The following ASIC2 variants were observed in gnomAD, a reference collection of about 807,000 sequenced individuals.
ASIC2 encodes the protein acid sensing ion channel subunit 2.
In ASIC2, 25 loss-of-function variants were observed where a neutral mutation model predicts 57.3. The ratio of observed to expected loss-of-function variants is 0.44; its 90% CI spans 0.32 to 0.61. The LOEUF (loss-of-function observed/expected upper bound fraction) is 0.61. Among genes scored for constraint, ASIC2 ranks in the 20% least tolerant of loss-of-function variants. The probability of loss-of-function intolerance (pLI) is 0.06; values close to 1 mark genes in which losing one functional copy is unlikely to be tolerated. For synonymous variants in ASIC2, 319 were observed against 307.5 expected (o/e 1.04, Z -0.39); for missense variants, 641 against 738.1 (o/e 0.87, Z 1.52).
chr17:33,224,526 A>C (rs949168884), intron 1 of ASIC2, among the ~76,000 whole-genome samples: 2 of 152,208 alleles, frequency 1.3e-5, no homozygotes, highest in African/African-American at 4.8e-5. Flanking sequence ...AAGAATACGG[A>C]TCTAACTAGA....
chr17:33,595,340 T>G (rs1465872116), intron 1 of ASIC2, among the ~76,000 whole-genome samples: 1 of 152,098 alleles, frequency 6.6e-6, no homozygotes. Flanking sequence ...AGGTCTGGAG[T>G]AAGTGGAAAG....
chr17:33,167,587 T>A (rs1905349988), intron 1 of ASIC2, among the ~76,000 whole-genome samples: 1 of 152,248 alleles, frequency 6.6e-6, no homozygotes, highest in South Asian at 2.1e-4. Flanking sequence ...GGAGCTCTGC[T>A]GCTACCCCTC....
At chr17:34,004,491 T>A (rs964444867) in intron 1 of ASIC2, 1 of 152,254 alleles carries the variant, frequency 6.6e-6, no homozygotes, top group Non-Finnish European at 1.5e-5. Flanking sequence ...TTCATCTCCC[T>A]GGACTATAGT....
intron 1 of ASIC2, among the ~76,000 whole-genome samples, chr17:33,399,963 A>G (rs1300491996): frequency 2.0e-5 from 3 of 152,186 alleles, no homozygotes; most frequent in African/African-American, 7.2e-5. Flanking sequence ...CTTCCCAAGA[A>G]ATTTCTCTGA....
At chr17:33,329,537 G>T (rs1330358908) in intron 1 of ASIC2, among the ~76,000 whole-genome samples, 1 of 152,136 alleles carries the variant, frequency 6.6e-6, no homozygotes, top group Non-Finnish European at 1.5e-5. Flanking sequence ...CTTGGCTAAG[G>T]TCAAGGTCAT....
intron 7 of ASIC2, among the ~76,000 whole-genome samples, chr17:33,020,547 G>A (rs775631069): frequency 6.6e-6 from 1 of 152,186 alleles, no homozygotes; most frequent in Non-Finnish European, 1.5e-5. Flanking sequence ...TGCACTCTCA[G>A]GGGTCTTGTG....
At chr17:34,080,175 G>C (rs1027390589) in intron 1 of ASIC2, among the ~76,000 whole-genome samples, 7 of 152,148 alleles carry the variant, frequency 4.6e-5, no homozygotes, top group African/African-American at 1.7e-4. Flanking sequence ...CTCTTGAAAG[G>C]AAAAGAAAAT....
intron 1 of ASIC2, among the ~76,000 whole-genome samples, chr17:33,386,919 T>G (rs1032530366): frequency 2.6e-5 from 4 of 152,158 alleles, no homozygotes; most frequent in African/African-American, 9.7e-5. Context: ...GGCACTATGC[T>G]AAGCGTTTAC....
chr17:33,688,116 T>C (rs1262447745), intron 1 of ASIC2, among the ~76,000 whole-genome samples: 1 of 152,168 alleles, frequency 6.6e-6, no homozygotes, highest in African/African-American at 2.4e-5. Flanking sequence ...TGAGGGTTAA[T>C]TGGAACATTT....
chr17:33,712,647 T>C (rs1297745257), intron 1 of ASIC2, among the ~76,000 whole-genome samples: 1 of 134,866 alleles, frequency 7.4e-6, no homozygotes, highest in Non-Finnish European at 1.6e-5. Context: ...TTTTTTTTTT[T>C]TTTTTTTTTT....
intron 3 of ASIC2, among the ~76,000 whole-genome samples, chr17:33,055,311 A>G (rs953674006): frequency 6.6e-6 from 1 of 152,092 alleles, no homozygotes; most frequent in African/African-American, 2.4e-5. Flanking sequence ...GACTCCAGGG[A>G]AGCCCTTCAC....
At chr17:33,305,896 A>C (rs12450748) in intron 1 of ASIC2, among the ~76,000 whole-genome samples, 31,660 of 152,168 alleles carry the variant, frequency 0.21, 3,483 homozygotes, top group East Asian at 0.37. Context: ...TTGTTTCAGC[A>C]ATCACCATAG....
chr17:33,583,376 G>T (rs1484638596), intron 1 of ASIC2, among the ~76,000 whole-genome samples: 1 of 152,044 alleles, frequency 6.6e-6, no homozygotes, highest in Non-Finnish European at 1.5e-5. Context: ...TACTTACTGC[G>T]GACTTAGAAG....
At chr17:33,634,710 CTTTTTTTT>C (rs71144892) in intron 1 of ASIC2, 1 of 74,038 alleles carries the variant, frequency 1.4e-5, no homozygotes, top group Non-Finnish European at 2.7e-5. Flanking sequence ...TTCTTTCTTT[CTTTTTTTT>C]TTTTTTTTGT....
intron 3 of ASIC2, among the ~76,000 whole-genome samples, chr17:33,028,951 GC>G (rs1459174726): frequency 6.6e-6 from 1 of 152,176 alleles, no homozygotes; most frequent in African/African-American, 2.4e-5. Flanking sequence ...TCCAAGTCAT[GC>G]TGTAGATGGC....
At chr17:34,040,519 A>G (rs1012800725) in intron 1 of ASIC2, among the ~76,000 whole-genome samples, 2 of 152,172 alleles carry the variant, frequency 1.3e-5, no homozygotes, top group South Asian at 2.1e-4. Context: ...CATCCTGCCA[A>G]TTTTATATGG....
intron 1 of ASIC2, among the ~76,000 whole-genome samples, chr17:33,803,586 C>CTTTTTT (rs961357779): frequency 1.3e-4 from 13 of 96,746 alleles, no homozygotes; most frequent in East Asian, 2.9e-4. Context: ...TTTCCCTTTT[C>CTTTTTT]TTTTTTTTTT....
chr17:33,899,415 C>A (rs936550228), intron 1 of ASIC2, among the ~76,000 whole-genome samples: 4 of 152,158 alleles, frequency 2.6e-5, no homozygotes, highest in Non-Finnish European at 5.9e-5. Context: ...CTTTCACGAT[C>A]TTGACAATTT....
At chr17:33,574,285 C>T (rs1329493636) in intron 1 of ASIC2, among the ~76,000 whole-genome samples, 1 of 152,198 alleles carries the variant, frequency 6.6e-6, no homozygotes, top group African/African-American at 2.4e-5. Flanking sequence ...TTGCATTCCC[C>T]TGATGATCCA....
Sources: allele counts gnomAD v4.1 joint callset (sites outside exome capture counted in the v4.1 genomes callset), GRCh38; gene constraint gnomAD v4.1.1; transcripts MANE v1.5; gene names NCBI Gene and HGNC (gene_info 2026-07-23, HGNC 2026-07-21).